Variants in FSD1L observed in about 807,000 individuals in gnomAD.
FSD1L encodes the protein FSD1-like protein.
In FSD1L, 45 loss-of-function variants were observed where a neutral mutation model predicts 71.6. That is an observed-to-expected ratio of 0.63 (90% confidence interval 0.49 to 0.81). FSD1L has a LOEUF of 0.81. Among genes scored for constraint, FSD1L ranks in the 30% least tolerant of loss-of-function variants. The pLI is 0.00. For synonymous variants in FSD1L, 197 were observed against 207.2 expected (o/e 0.95, Z 0.42); for missense variants, 561 against 618.1 (o/e 0.91, Z 0.98).
At chr9:105,502,283 A>G (rs750886085) in intron 7 of FSD1L, among the ~76,000 whole-genome samples, 9 of 152,228 alleles carry the variant, frequency 5.9e-5, no homozygotes, top group African/African-American at 1.9e-4. Flanking sequence ...CACTCAATAA[A>G]TGATAGCTAT....
At chr9:105,521,352 C>T in intron 10 of FSD1L, 2 of 1,614,154 alleles carry the variant, frequency 1.2e-6, no homozygotes, top group South Asian at 1.1e-5. Flanking sequence ...CGAACAGTCT[C>T]ATTCCAATAC....
chr9:105,494,902 C>T (rs1183805848), intron 7 of FSD1L, among the ~76,000 whole-genome samples: 1 of 152,152 alleles, frequency 6.6e-6, no homozygotes, highest in Non-Finnish European at 1.5e-5. Flanking sequence ...AGGTGTCAGT[C>T]TGCCCCTATG....
At chr9:105,476,593 T>C (rs914445889) in intron 5 of FSD1L, among the ~76,000 whole-genome samples, 1 of 152,186 alleles carries the variant, frequency 6.6e-6, no homozygotes, top group African/African-American at 2.4e-5. Flanking sequence ...TTGAAAAGCT[T>C]CCAAGAAGCT....
chr9:105,528,805 T>G (rs2131458606), intron 10 of FSD1L, among the ~76,000 whole-genome samples: 1 of 152,242 alleles, frequency 6.6e-6, no homozygotes, highest in Non-Finnish European at 1.5e-5. Context: ...CTAAAGAGCT[T>G]CTGCACAGCA....
chr9:105,453,949 C>T (rs1463490701), intron 1 of FSD1L, among the ~76,000 whole-genome samples: 2 of 152,128 alleles, frequency 1.3e-5, no homozygotes, highest in Non-Finnish European at 2.9e-5. Context: ...CTGATAGAAT[C>T]TGGTTTCAGT....
chr9:105,460,901 T>TA (rs1443915688), intron 1 of FSD1L, among the ~76,000 whole-genome samples: 6 of 152,340 alleles, frequency 3.9e-5, no homozygotes, highest in Admixed American at 3.9e-4. Flanking sequence ...TGGTGTTACT[T>TA]ATGTACCAAT....
intron 4 of FSD1L, among the ~76,000 whole-genome samples, chr9:105,471,106 A>G (rs1831424785): frequency 1.3e-5 from 2 of 152,110 alleles, no homozygotes; most frequent in Admixed American, 6.5e-5. Flanking sequence ...CCTAGCTCAT[A>G]CTGCATATTA....
chr9:105,445,732 C>T (rs1364672918), upstream of FSD1L, among the ~76,000 whole-genome samples: 1 of 152,204 alleles, frequency 6.6e-6, no homozygotes, highest in East Asian at 1.9e-4. Flanking sequence ...AACTGCAGTA[C>T]ACAGTGTGAA....
Position 105,550,427 on chromosome 9 carries a change from A to G in FSD1L, c.*3944A>G, listed in dbSNP as rs1016930686. 1.3e-5 allele frequency: 2 copies of G among 152,028 alleles called. No individual in the cohort carries two copies. Among genetic ancestry groups the G allele is most frequent in the African/African-American group, 4.8e-5 (2 of 41,430 alleles). 9.4% of individuals were successfully genotyped at this position (152,028 alleles called of 1,614,324 possible). On this transcript the variant is annotated 3_prime_UTR_variant, in exon 14 of 14. Coordinates refer to ENST00000481272, the MANE Select transcript of FSD1L (RefSeq NM_001145313.3). Reference sequence around the variant, plus strand: ...CACAAAGTTGTTATTTTTAACCAAAATATACATTTCATAATGTTGGCACTG... The same window carrying G: ...CACAAAGTTGTTATTTTTAACCAAAGTATACATTTCATAATGTTGGCACTG...
chr9:105,549,316 C>T lies in FSD1L; in HGVS notation c.*2833C>T, dbSNP rs967895994. ...ATCGAAATGAAGGAGCTGCCTTAAG[C>T]ACTTTAGAAAAAGAATTTTTTTACA... is the stretch of plus-strand genomic sequence containing the variant. On this transcript the variant is annotated 3_prime_UTR_variant, in exon 14 of 14. Transcript: ENST00000481272. 1 of 152,012 alleles carries T rather than the reference C, an allele frequency of 6.6e-6. No homozygotes were observed. 9.4% of individuals were successfully genotyped at this position (152,012 alleles called of 1,614,324 possible).
chr9:105,484,211 T>C (rs1016373869), intron 6 of FSD1L, among the ~76,000 whole-genome samples, 170 bp from the exon 7 acceptor site: 2 of 152,174 alleles, frequency 1.3e-5, no homozygotes, highest in Non-Finnish European at 2.9e-5. Flanking sequence ...TTTGTAGTTT[T>C]TTATTTAGTT....
intron 1 of FSD1L, among the ~76,000 whole-genome samples, chr9:105,453,506 T>TGTGTGC (rs571017943): frequency 1.2e-4 from 19 of 152,172 alleles, no homozygotes; most frequent in Admixed American, 1.2e-3. Context: ...TGTGTGTGTG[T>TGTGTGC]GTGTGCGTGT....
intron 7 of FSD1L, among the ~76,000 whole-genome samples, chr9:105,505,996 A>T (rs1332541963): frequency 1.3e-5 from 2 of 152,230 alleles, no homozygotes; most frequent in African/African-American, 4.8e-5. Flanking sequence ...AGAAACATTT[A>T]AAAATCCTTA....
intron 10 of FSD1L, chr9:105,523,798 A>G (rs574919123): frequency 6.2e-6 from 10 of 1,600,586 alleles, no homozygotes; most frequent in South Asian, 2.2e-5. Flanking sequence ...GGATTACTTC[A>G]TATTGACCAG....
intron 1 of FSD1L, among the ~76,000 whole-genome samples, chr9:105,459,089 C>T (rs968842068): frequency 1.7e-4 from 26 of 152,222 alleles, no homozygotes; most frequent in Non-Finnish European, 1.9e-4. Context: ...TTCAGCCAGT[C>T]TCCCCTTGTA....
At chr9:105,492,564 C>T (rs1426663264) in intron 7 of FSD1L, among the ~76,000 whole-genome samples, 1 of 152,010 alleles carries the variant, frequency 6.6e-6, no homozygotes, top group Non-Finnish European at 1.5e-5. Context: ...TTTGCTCTTG[C>T]TTTTCTAGTT....
intron 1 of FSD1L, among the ~76,000 whole-genome samples, chr9:105,457,100 A>C (rs933851546): frequency 3.3e-5 from 5 of 152,198 alleles, no homozygotes; most frequent in Admixed American, 6.5e-5. Context: ...TGAAATGACT[A>C]TATGTAACAT....
chr9:105,465,962 T>C (rs4302902), intron 3 of FSD1L, among the ~76,000 whole-genome samples: 23,970 of 151,748 alleles, frequency 0.16, 2,014 homozygotes, highest in Admixed American at 0.23. Context: ...ACTCCTGCTT[T>C]CCAGGTTCAA....
At chr9:105,477,618 T>A (rs1418589846) in intron 5 of FSD1L, among the ~76,000 whole-genome samples, 1 of 152,372 alleles carries the variant, frequency 6.6e-6, no homozygotes, top group East Asian at 1.9e-4. Flanking sequence ...CTGGTAGTAC[T>A]TGTTTCATAT....
Sources: gnomAD v4.1 joint callset for allele counts (sites outside exome capture counted in the v4.1 genomes callset) on GRCh38, gnomAD v4.1.1 for gene constraint, MANE v1.5 for transcripts, NCBI Gene and HGNC (gene_info 2026-07-23, HGNC 2026-07-21) for gene names.